Variants in ADAMTS12 observed in about 807,000 individuals in gnomAD.
The protein encoded by ADAMTS12 is ADAM metallopeptidase with thrombospondin type 1 motif 12.
A neutral mutation model predicts 167.8 loss-of-function variants in ADAMTS12; 118 were observed. That is an observed-to-expected ratio of 0.70 (90% confidence interval 0.61 to 0.82). The LOEUF (loss-of-function observed/expected upper bound fraction) is 0.82. Among genes scored for constraint, ADAMTS12 ranks in the 40% least tolerant of loss-of-function variants. The pLI, the probability that ADAMTS12 is intolerant of heterozygous loss-of-function variation, is 0.00. For missense variants in ADAMTS12, 1,916 were observed against 1,998.8 expected (o/e 0.96, Z 0.79); for synonymous variants, 704 against 716.9 (o/e 0.98, Z 0.29).
At chr5:33,787,015 G>T (rs1353039456) in intron 2 of ADAMTS12, among the ~76,000 whole-genome samples, 1 of 126,516 alleles carries the variant, frequency 7.9e-6, no homozygotes, top group Non-Finnish European at 1.6e-5. Flanking sequence ...TATTAGTCAT[G>T]AAATAACCTA....
chr5:33,858,192 C>T (rs1051909755), intron 2 of ADAMTS12, among the ~76,000 whole-genome samples: 1 of 152,164 alleles, frequency 6.6e-6, no homozygotes, highest in Non-Finnish European at 1.5e-5. Context: ...GGAAAACCTC[C>T]AAGCACTTGC....
At chr5:33,564,216 A>C (rs1279722910) in intron 19 of ADAMTS12, among the ~76,000 whole-genome samples, 3 of 152,206 alleles carry the variant, frequency 2.0e-5, no homozygotes, top group African/African-American at 7.2e-5. Flanking sequence ...ATCAGACTCA[A>C]AGCTTGATCC....
At chr5:33,754,273 T>C (rs564406641) in intron 2 of ADAMTS12, among the ~76,000 whole-genome samples, 4 of 152,302 alleles carry the variant, frequency 2.6e-5, no homozygotes, top group South Asian at 2.1e-4. Context: ...CCAAAGAAAA[T>C]AGTTTCCATT....
At chr5:33,723,803 T>G (rs1390956753) in intron 3 of ADAMTS12, among the ~76,000 whole-genome samples, 1 of 152,124 alleles carries the variant, frequency 6.6e-6, no homozygotes, top group African/African-American at 2.4e-5. Context: ...GTGCCATGTG[T>G]TTTTCAAGCT....
chr5:33,816,634 T>C (rs1043962956), intron 2 of ADAMTS12, among the ~76,000 whole-genome samples: 2 of 152,178 alleles, frequency 1.3e-5, no homozygotes, highest in East Asian at 1.9e-4. Context: ...CTTAGTGCTG[T>C]GCTATGTGTT....
chr5:33,833,647 A>G (rs887254504), intron 2 of ADAMTS12, among the ~76,000 whole-genome samples: 2 of 152,138 alleles, frequency 1.3e-5, no homozygotes, highest in Admixed American at 6.6e-5. Context: ...AGGAAGAAAA[A>G]AAGTTTTCTC....
intron 14 of ADAMTS12, among the ~76,000 whole-genome samples, chr5:33,620,751 A>T (rs1187369971): frequency 6.6e-6 from 1 of 152,202 alleles, no homozygotes; most frequent in Non-Finnish European, 1.5e-5. Context: ...TTATGCACTC[A>T]TGGCATACCT....
At chr5:33,615,792 C>T in intron 15 of ADAMTS12, 36 bp downstream of exon 15, 1 of 1,612,056 alleles carries the variant, frequency 6.2e-7, no homozygotes, top group Non-Finnish European at 8.5e-7. Context: ...TTCTAACTAG[C>T]ACACATGTCA....
At chr5:33,623,473 C>G (rs1160668094) in intron 14 of ADAMTS12, among the ~76,000 whole-genome samples, 1 of 152,224 alleles carries the variant, frequency 6.6e-6, no homozygotes, top group Non-Finnish European at 1.5e-5. Flanking sequence ...CCTTTCTTAG[C>G]TGCCTTCCTT....
chr5:33,746,236 T>A (rs1326183165), intron 3 of ADAMTS12, among the ~76,000 whole-genome samples: 1 of 152,210 alleles, frequency 6.6e-6, no homozygotes, highest in East Asian at 1.9e-4. Flanking sequence ...TGAGTACATG[T>A]TAAACTCAAT....
At position 33,643,486 on chromosome 5, in the gene ADAMTS12, C is replaced by A; in HGVS notation, c.1480-16G>T. The A allele has an allele frequency of 1.2e-6, 2 of 1,612,440 alleles. No homozygotes were observed. The highest frequency in any genetic ancestry group is 2.2e-5 in the East Asian group (1 of 44,806). On this transcript the variant is annotated splice_polypyrimidine_tract_variant and intron_variant, in intron 9 of 23. Coordinates refer to ENST00000504830, the MANE Select transcript of ADAMTS12 (RefSeq NM_030955.4). The stretch of plus-strand genomic sequence containing the variant: ...GGCAGACGTTCTAGAAAACAAATTG[C>A]ACTTCTTTTGTATTTTCAAAACCTG...
chr5:33,779,208 C>T (rs1273206334), intron 2 of ADAMTS12, among the ~76,000 whole-genome samples: 4 of 124,146 alleles, frequency 3.2e-5, no homozygotes, highest in East Asian at 2.2e-4. Flanking sequence ...TTTTTTGAGA[C>T]GAAGTCTTGC....
At chr5:33,620,836 CA>C (rs1300542787) in intron 14 of ADAMTS12, among the ~76,000 whole-genome samples, 2 of 152,126 alleles carry the variant, frequency 1.3e-5, no homozygotes, top group African/African-American at 4.8e-5. Context: ...CAAAAATCTC[CA>C]AAACATTTTT....
intron 2 of ADAMTS12, among the ~76,000 whole-genome samples, chr5:33,838,892 A>G (rs1387348525): frequency 6.6e-6 from 1 of 152,128 alleles, no homozygotes; most frequent in East Asian, 1.9e-4. Context: ...CAGATAATGG[A>G]CTAAAACTCT....
intron 2 of ADAMTS12, among the ~76,000 whole-genome samples, chr5:33,859,182 G>A (rs1312434298): frequency 6.6e-6 from 1 of 152,182 alleles, no homozygotes; most frequent in South Asian, 2.1e-4. Flanking sequence ...CTGGAAAGGG[G>A]GCTAAAGCCA....
At chr5:33,838,991 G>C (rs182787745) in intron 2 of ADAMTS12, among the ~76,000 whole-genome samples, 1 of 152,306 alleles carries the variant, frequency 6.6e-6, no homozygotes, top group Non-Finnish European at 1.5e-5. Flanking sequence ...GCATTAACCT[G>C]AGTTGCTATG....
chr5:33,535,555 C>G (rs534194276), intron 22 of ADAMTS12, among the ~76,000 whole-genome samples: 1 of 152,070 alleles, frequency 6.6e-6, no homozygotes, highest in African/African-American at 2.4e-5. Flanking sequence ...TAGAGAGGAA[C>G]GGGAATGAGG....
intron 18 of ADAMTS12, among the ~76,000 whole-genome samples, chr5:33,582,824 TA>T (rs1334911709): frequency 2.0e-5 from 3 of 152,246 alleles, no homozygotes; most frequent in Non-Finnish European, 4.4e-5. Flanking sequence ...CATTTGAAAT[TA>T]TTTTTTTCCA....
At chr5:33,848,660 A>G (rs1300325422) in intron 2 of ADAMTS12, among the ~76,000 whole-genome samples, 1 of 152,188 alleles carries the variant, frequency 6.6e-6, no homozygotes, top group African/African-American at 2.4e-5. Flanking sequence ...ATGTATTCTG[A>G]ATCAGTTGCC....
Sources: allele counts gnomAD v4.1 joint callset (sites outside exome capture counted in the v4.1 genomes callset), GRCh38; gene constraint gnomAD v4.1.1; transcripts MANE v1.5; gene names NCBI Gene and HGNC (gene_info 2026-07-23, HGNC 2026-07-21).